Variants in GPR149 observed in about 807,000 individuals in gnomAD.
GPR149 encodes probable G protein-coupled receptor 149.
GPR149 carries 50 observed loss-of-function variants against 50.2 expected under a neutral mutation model. That is an observed-to-expected ratio of 1.00 (90% CI 0.79 to 1.26). GPR149 has a LOEUF of 1.26. Ranked by LOEUF, GPR149 falls within the 50% of genes most tolerant of loss-of-function variation. The probability of loss-of-function intolerance (pLI) is 0.00; values close to 1 mark genes in which losing one functional copy is unlikely to be tolerated. For synonymous variants in GPR149, 405 were observed against 358.2 expected (o/e 1.13, Z -1.48); for missense variants, 983 against 895.4 (o/e 1.10, Z -1.25).
intron 3 of GPR149, among the ~76,000 whole-genome samples, chr3:154,417,638 T>C (rs1386979243): frequency 6.6e-6 from 1 of 151,994 alleles, no homozygotes; most frequent in Non-Finnish European, 1.5e-5. Flanking sequence ...TCAAAAGAAG[T>C]AGTGTTTTTA....
intron 3 of GPR149, among the ~76,000 whole-genome samples, chr3:154,400,653 C>T (rs752830088): frequency 3.3e-5 from 5 of 152,202 alleles, no homozygotes; most frequent in Admixed American, 6.5e-5. Flanking sequence ...TACATGACAT[C>T]ATCTCTGAGT....
intron 3 of GPR149, among the ~76,000 whole-genome samples, chr3:154,396,444 T>A (rs1715295086): frequency 6.6e-6 from 1 of 152,166 alleles, no homozygotes; most frequent in African/African-American, 2.4e-5. Context: ...GTTAGATGAC[T>A]TCGTTACTCT....
At chr3:154,412,118 A>T (rs566505657) in intron 3 of GPR149, among the ~76,000 whole-genome samples, 1 of 152,324 alleles carries the variant, frequency 6.6e-6, no homozygotes, top group South Asian at 2.1e-4. Context: ...ATCTCAATAG[A>T]TGCAGAAAAA....
chr3:154,394,118 A>G (rs1388774623), intron 3 of GPR149, among the ~76,000 whole-genome samples: 1 of 152,064 alleles, frequency 6.6e-6, no homozygotes, highest in African/African-American at 2.4e-5. Context: ...CAATTTTAAG[A>G]AGGAAGAGCA....
At chr3:154,403,694 T>C (rs1375690392) in intron 3 of GPR149, among the ~76,000 whole-genome samples, 2 of 152,010 alleles carry the variant, frequency 1.3e-5, no homozygotes, top group East Asian at 1.9e-4. Context: ...TCATGAAAAA[T>C]ACAATTCCGC....
intron 3 of GPR149, among the ~76,000 whole-genome samples, chr3:154,395,694 G>C (rs535148420): frequency 2.6e-5 from 4 of 152,056 alleles, no homozygotes; most frequent in Admixed American, 2.6e-4. Flanking sequence ...TGCTCAGGAG[G>C]CTGAGGTAGG....
At chr3:154,378,693 T>A (rs1012237139) in intron 3 of GPR149, among the ~76,000 whole-genome samples, 1 of 152,204 alleles carries the variant, frequency 6.6e-6, no homozygotes, top group African/African-American at 2.4e-5. Context: ...CCACCAGCAA[T>A]GCACGTTTCA....
At chr3:154,372,373 T>C (rs922432956) in intron 3 of GPR149, among the ~76,000 whole-genome samples, 3 of 152,190 alleles carry the variant, frequency 2.0e-5, no homozygotes, top group African/African-American at 7.2e-5. Flanking sequence ...CCTCTCTCCC[T>C]TCCGCCCTCC....
chr3:154,368,148 C>A lies in GPR149; in HGVS notation c.1624-29877G>T, dbSNP rs191681832. On this transcript the variant is annotated intron_variant, in intron 3 of 3. Transcript: ENST00000389740. Reference sequence around the variant, plus strand: ...AGTCTTCCAGATTTCCTGGTTGAGACCATGGCCCCGCCAGAGGCTCCCCCT... The same window carrying A: ...AGTCTTCCAGATTTCCTGGTTGAGAACATGGCCCCGCCAGAGGCTCCCCCT... 1.1e-4 allele frequency among the ~76,000 whole-genome samples: 17 copies of A among 152,334 alleles called. No homozygotes were observed. In the East Asian group the frequency reaches 2.9e-3, roughly 26 times the overall value.
At chr3:154,371,362 C>A (rs1375580954) in intron 3 of GPR149, among the ~76,000 whole-genome samples, 1 of 152,150 alleles carries the variant, frequency 6.6e-6, no homozygotes, top group Non-Finnish European at 1.5e-5. Context: ...TCTAGCACCT[C>A]CCATGTCCAT....
At chr3:154,387,976 T>C (rs1715082381) in intron 3 of GPR149, among the ~76,000 whole-genome samples, 4 of 152,184 alleles carry the variant, frequency 2.6e-5, no homozygotes, top group Non-Finnish European at 5.9e-5. Context: ...TTTTTTAATG[T>C]GTGGGGACAT....
chr3:154,378,004 G>A (rs546120719), intron 3 of GPR149, among the ~76,000 whole-genome samples: 34 of 151,022 alleles, frequency 2.3e-4, no homozygotes, highest in Non-Finnish European at 4.6e-4. Context: ...TGTTTTTGAA[G>A]TTTTTCATGT....
At chr3:154,416,979 G>T (rs1348764817) in intron 3 of GPR149, among the ~76,000 whole-genome samples, 1 of 151,772 alleles carries the variant, frequency 6.6e-6, no homozygotes, top group African/African-American at 2.4e-5. Flanking sequence ...ACATTAAAAG[G>T]AAAGAAAATG....
Position 154,337,888 on chromosome 3 carries a change from T to C in GPR149, c.2007A>G (p.Thr669=), listed in dbSNP as rs982884626. The C allele has an allele frequency of 4.3e-6, 7 of 1,613,350 alleles. No individual in the cohort carries two copies. The highest frequency in any genetic ancestry group is 5.9e-6 in the Non-Finnish European group (7 of 1,179,754). ...TGGGCAAAAAGAGGGAGTATGAGGCTGTTTCCCCTAGGTCACATGAAACAA... is the reference window on the plus strand; with the variant it reads ...TGGGCAAAAAGAGGGAGTATGAGGCCGTTTCCCCTAGGTCACATGAAACAA... ...NRFVSCDLGE[T]ASYSLFLPTS... The change falls in exon 4 of 4, where the codon ACA becomes ACG. Residue 669 remains threonine (T), a synonymous_variant. Transcript: ENST00000389740.
Position 154,354,713 on chromosome 3 carries a change from C to A in GPR149, c.1624-16442G>T, listed in dbSNP as rs1344435551. ...TAGTACAAATTAGGTTCAATAAATA[C>A]CTTTTGCCTGTCCTTCTTCTGGCTC... On this transcript the variant is annotated intron_variant, in intron 3 of 3. Transcript: ENST00000389740. 6.9e-6 allele frequency: 4 copies of A among 582,194 alleles called. 1 individual carries two copies. The highest frequency in any genetic ancestry group is 1.2e-3 in the Middle Eastern group (2 of 1,712). The allele number at this position is 582,194 out of a possible 1,614,324, so 36.1% of individuals were successfully genotyped here.
chr3:154,401,875 C>T (rs1027350553), intron 3 of GPR149, among the ~76,000 whole-genome samples: 80 of 152,168 alleles, frequency 5.3e-4, no homozygotes, highest in African/African-American at 1.9e-3. Context: ...CTGTGGCTTG[C>T]AAAAATACTA....
At chr3:154,371,289 C>A (rs1054256703) in intron 3 of GPR149, among the ~76,000 whole-genome samples, 19 of 152,092 alleles carry the variant, frequency 1.2e-4, no homozygotes, top group African/African-American at 4.3e-4. Context: ...TTTTTTTCAT[C>A]TATAATAACA....
chr3:154,413,552 A>T (rs1452200491), intron 3 of GPR149, among the ~76,000 whole-genome samples: 1 of 152,080 alleles, frequency 6.6e-6, no homozygotes, highest in Non-Finnish European at 1.5e-5. Flanking sequence ...ATATAGAAAA[A>T]TGCTCAACAC....
At chr3:154,354,760 T>C in intron 3 of GPR149, 1 of 727,338 alleles carries the variant, frequency 1.4e-6, no homozygotes. Flanking sequence ...CAAGGGTGTT[T>C]TCAGCTCCAT....
Sources: allele counts gnomAD v4.1 joint callset (sites outside exome capture counted in the v4.1 genomes callset), GRCh38; gene constraint gnomAD v4.1.1; transcripts MANE v1.5; gene names NCBI Gene and HGNC (gene_info 2026-07-23, HGNC 2026-07-21).